The following MSH4 variants were observed in gnomAD, a reference collection of about 807,000 sequenced individuals.
MSH4 encodes the protein mutS homolog 4, also known as mutS protein homolog 4.
MSH4 carries 106 observed loss-of-function variants against 113.7 expected under a neutral mutation model. The ratio of observed to expected loss-of-function variants is 0.93; its 90% CI spans 0.80 to 1.10. MSH4 has a LOEUF of 1.10. Ranked by LOEUF, MSH4 falls within the 50% of genes least tolerant of loss-of-function variation. The pLI is 0.00. For missense variants in MSH4, 1,061 were observed against 1,093.7 expected (o/e 0.97, Z 0.42); for synonymous variants, 368 against 380.2 (o/e 0.97, Z 0.37).
At chr1:75,860,455 C>G (rs1306644298) in intron 8 of MSH4, among the ~76,000 whole-genome samples, 2 of 152,136 alleles carry the variant, frequency 1.3e-5, no homozygotes, top group African/African-American at 2.4e-5. Flanking sequence ...TAAGGCAGGC[C>G]TGGTGGTGAC....
At chr1:75,865,543 A>T (rs1651544799) in intron 8 of MSH4, among the ~76,000 whole-genome samples, 1 of 152,212 alleles carries the variant, frequency 6.6e-6, no homozygotes, top group African/African-American at 2.4e-5. Flanking sequence ...AAGGAGAAAC[A>T]TGGGCAAAAA....
chr1:75,827,208 T>C (rs188653865), intron 7 of MSH4, among the ~76,000 whole-genome samples: 3 of 152,236 alleles, frequency 2.0e-5, no homozygotes, highest in East Asian at 1.9e-4. Context: ...GAAAAGAATT[T>C]TTAACCCAGA....
intron 8 of MSH4, among the ~76,000 whole-genome samples, chr1:75,866,470 A>G (rs1322363698): frequency 6.6e-6 from 1 of 152,138 alleles, no homozygotes; most frequent in Non-Finnish European, 1.5e-5. Context: ...AGCATGAATT[A>G]TTCTTCTTTA....
intron 19 of MSH4, among the ~76,000 whole-genome samples, chr1:75,911,079 A>G (rs1020613005): frequency 4.6e-5 from 7 of 151,974 alleles, no homozygotes; most frequent in Non-Finnish European, 7.4e-5. Flanking sequence ...AATTACCTGC[A>G]TTAGAATTGC....
intron 16 of MSH4, 121 bp downstream of exon 16, chr1:75,889,490 C>A: frequency 4.3e-6 from 2 of 465,668 alleles, no homozygotes; most frequent in South Asian, 7.8e-5. Context: ...TTTCTAAGAG[C>A]CAGAGGGCAG....
At chr1:75,903,590 A>G (rs2100592780) in intron 19 of MSH4, among the ~76,000 whole-genome samples, 1 of 152,198 alleles carries the variant, frequency 6.6e-6, no homozygotes. Flanking sequence ...TAGGGATTGT[A>G]TTGAATCTAT....
chr1:75,865,967 G>A (rs894394839), intron 8 of MSH4, among the ~76,000 whole-genome samples: 3 of 151,946 alleles, frequency 2.0e-5, no homozygotes, highest in Non-Finnish European at 4.4e-5. Flanking sequence ...CCACTGTTCC[G>A]CAGTCAACCT....
intron 7 of MSH4, among the ~76,000 whole-genome samples, chr1:75,842,219 AG>A (rs1650973720): frequency 1.3e-5 from 2 of 152,222 alleles, no homozygotes; most frequent in African/African-American, 2.4e-5. Context: ...GGGAATGTTC[AG>A]GTTAAGATAA....
chr1:75,883,486 A>G, intron 14 of MSH4, 135 bp from the exon 15 acceptor site: 4 of 684,246 alleles, frequency 5.8e-6, no homozygotes, highest in Non-Finnish European at 9.6e-6. Flanking sequence ...ATTTGGGATA[A>G]TATAGTACCT....
intron 6 of MSH4, 26 bp from the exon 7 acceptor site, chr1:75,822,383 T>C (rs1650439936): frequency 6.8e-7 from 1 of 1,465,898 alleles, no homozygotes; most frequent in South Asian, 1.3e-5. Flanking sequence ...TTTGTATTCT[T>C]ACTGACATTT....
intron 3 of MSH4, among the ~76,000 whole-genome samples, chr1:75,808,495 T>A (rs2100507693): frequency 6.6e-6 from 1 of 152,316 alleles, no homozygotes; most frequent in South Asian, 2.1e-4. Flanking sequence ...AAAATGCAAA[T>A]CAATGTCTTA....
At chr1:75,873,884 G>A (rs899456404) in intron 9 of MSH4, among the ~76,000 whole-genome samples, 2 of 152,032 alleles carry the variant, frequency 1.3e-5, no homozygotes, top group Admixed American at 6.6e-5. Context: ...GTGAACATTC[G>A]TGTGCATTTG....
chr1:75,908,586 T>A (rs1652719950), intron 19 of MSH4, among the ~76,000 whole-genome samples: 1 of 152,212 alleles, frequency 6.6e-6, no homozygotes, highest in Admixed American at 6.5e-5. Context: ...CTCACCACGA[T>A]GTTGATCACC....
intron 1 of MSH4, among the ~76,000 whole-genome samples, chr1:75,798,065 T>C (rs1025999974): frequency 6.6e-6 from 1 of 152,224 alleles, no homozygotes; most frequent in Non-Finnish European, 1.5e-5. Flanking sequence ...AAGTAACAAA[T>C]ACCAAATCCA....
chr1:75,846,165 A>G (rs1651071943), intron 7 of MSH4, among the ~76,000 whole-genome samples: 1 of 152,034 alleles, frequency 6.6e-6, no homozygotes, highest in African/African-American at 2.4e-5. Flanking sequence ...CCTTGCCCTC[A>G]AGGTCCTAGC....
intron 1 of MSH4, among the ~76,000 whole-genome samples, chr1:75,803,373 C>G (rs1159553619): frequency 6.6e-6 from 1 of 152,110 alleles, no homozygotes; most frequent in Non-Finnish European, 1.5e-5. Flanking sequence ...AATCCCAGCA[C>G]TTTGGGAGGC....
chr1:75,845,200 C>G (rs1007840916), intron 7 of MSH4, among the ~76,000 whole-genome samples: 1 of 152,186 alleles, frequency 6.6e-6, no homozygotes, highest in Admixed American at 6.5e-5. Context: ...GCTCCTGGCT[C>G]CCTCAAATTC....
intron 15 of MSH4, among the ~76,000 whole-genome samples, chr1:75,885,023 A>ATGTGTGTGTGTGTGTG (rs764938661): frequency 4.1e-5 from 5 of 122,212 alleles, no homozygotes; most frequent in Non-Finnish European, 6.5e-5. Flanking sequence ...GTGTGTATAT[A>ATGTGTGTGTGTGTGTG]TATATATGTG....
At chr1:75,844,623 G>A (rs1311874471) in intron 7 of MSH4, among the ~76,000 whole-genome samples, 1 of 152,080 alleles carries the variant, frequency 6.6e-6, no homozygotes, top group African/African-American at 2.4e-5. Context: ...ACCACACCTG[G>A]GCTGAAATGG....
Sources: allele counts gnomAD v4.1 joint callset (sites outside exome capture counted in the v4.1 genomes callset), GRCh38; gene constraint gnomAD v4.1.1; transcripts MANE v1.5; gene names NCBI Gene and HGNC (gene_info 2026-07-23, HGNC 2026-07-21).